Variants in CUEDC1 observed in about 807,000 individuals in gnomAD.
CUEDC1 encodes CUE domain-containing protein 1.
In CUEDC1, 30 loss-of-function variants were observed where a neutral mutation model predicts 43.7. That is an observed-to-expected ratio of 0.69 (90% confidence interval 0.51 to 0.93). The LOEUF (loss-of-function observed/expected upper bound fraction) is 0.93. Among genes scored for constraint, CUEDC1 ranks in the 40% least tolerant of loss-of-function variants. CUEDC1 has a pLI of 0.00. For missense variants in CUEDC1, 486 were observed against 549.0 expected, an observed-to-expected ratio of 0.89 and a Z score of 1.15; for synonymous variants, 223 against 223.6, an observed-to-expected ratio of 1.00 and a Z score of 0.02.
At chr17:57,911,982 A>C (rs1458063079) in intron 1 of CUEDC1, among the ~76,000 whole-genome samples, 1 of 152,228 alleles carries the variant, frequency 6.6e-6, no homozygotes, top group Non-Finnish European at 1.5e-5. Context: ...GTCAAAAAAC[A>C]CTTACTGAGC....
At chr17:57,899,717 C>A (rs562683331) in intron 1 of CUEDC1, among the ~76,000 whole-genome samples, 1 of 152,314 alleles carries the variant, frequency 6.6e-6, no homozygotes, top group East Asian at 1.9e-4. Context: ...AGGACACAGA[C>A]AACACTTTAG....
chr17:57,920,701 G>C (rs970535093), intron 1 of CUEDC1, among the ~76,000 whole-genome samples: 1 of 148,858 alleles, frequency 6.7e-6, no homozygotes, highest in South Asian at 2.1e-4. Flanking sequence ...GTGCAATCTC[G>C]GCTCACTGCA....
At chr17:57,921,326 G>A (rs1018955433) in intron 1 of CUEDC1, among the ~76,000 whole-genome samples, 1 of 152,094 alleles carries the variant, frequency 6.6e-6, no homozygotes, top group Non-Finnish European at 1.5e-5. Context: ...AAGGTGCTTG[G>A]CAATGCAACG....
chr17:57,914,661 A>T (rs1422255187), intron 1 of CUEDC1, among the ~76,000 whole-genome samples: 1 of 152,128 alleles, frequency 6.6e-6, no homozygotes, highest in Non-Finnish European at 1.5e-5. Flanking sequence ...TTTCTTTCCC[A>T]TGTCCAGACT....
chr17:57,865,032 G>A (rs1213607992), intron 10 of CUEDC1, among the ~76,000 whole-genome samples: 1 of 152,146 alleles, frequency 6.6e-6, no homozygotes, highest in Non-Finnish European at 1.5e-5. Context: ...ACTCCAGCCT[G>A]GGCAACAGAG....
At chr17:57,879,250 G>T (rs1474238247) in intron 3 of CUEDC1, among the ~76,000 whole-genome samples, 1 of 152,212 alleles carries the variant, frequency 6.6e-6, no homozygotes, top group Non-Finnish European at 1.5e-5. Flanking sequence ...AGCCATGTTT[G>T]CTGTGGGCTT....
chr17:57,876,428 C>T (rs2074127734), intron 3 of CUEDC1, among the ~76,000 whole-genome samples: 2 of 152,206 alleles, frequency 1.3e-5, no homozygotes, highest in African/African-American at 2.4e-5. Flanking sequence ...ATCAGTTTCT[C>T]CTGGCAGCCT....
At chr17:57,898,191 G>A (rs146488439) in intron 1 of CUEDC1, among the ~76,000 whole-genome samples, 54 of 152,294 alleles carry the variant, frequency 3.5e-4, no homozygotes, top group African/African-American at 1.2e-3. Context: ...CTTGGTCAGG[G>A]ACTCACCTGC....
chr17:57,872,054 G>A (rs1041741157), intron 5 of CUEDC1, among the ~76,000 whole-genome samples: 1 of 152,192 alleles, frequency 6.6e-6, no homozygotes, highest in African/African-American at 2.4e-5. Flanking sequence ...CACACCATCA[G>A]TTACACACAC....
At chr17:57,914,191 G>C (rs983168800) in intron 1 of CUEDC1, among the ~76,000 whole-genome samples, 2 of 152,232 alleles carry the variant, frequency 1.3e-5, no homozygotes, top group African/African-American at 4.8e-5. Context: ...AGAAGAAAGG[G>C]AGAGGAGGAG....
chr17:57,865,303 C>T (rs2073941617), intron 10 of CUEDC1, among the ~76,000 whole-genome samples: 2 of 152,118 alleles, frequency 1.3e-5, no homozygotes, highest in South Asian at 4.1e-4. Context: ...GGCTGCAGTG[C>T]CTGGTGGGAG....
intron 1 of CUEDC1, among the ~76,000 whole-genome samples, chr17:57,894,343 G>C (rs757223544): frequency 3.9e-5 from 6 of 152,162 alleles, no homozygotes; most frequent in Non-Finnish European, 5.9e-5. Flanking sequence ...GTAAGGGTGG[G>C]GCATTCCTTT....
At chr17:57,881,830 C>G (rs977024002) in intron 2 of CUEDC1, among the ~76,000 whole-genome samples, 5 of 152,192 alleles carry the variant, frequency 3.3e-5, no homozygotes, top group African/African-American at 1.2e-4. Context: ...CAAGACCAGA[C>G]AGACGTTCAT....
At chr17:57,945,137 A>G (rs900155173) in intron 1 of CUEDC1, among the ~76,000 whole-genome samples, 3 of 152,230 alleles carry the variant, frequency 2.0e-5, no homozygotes, top group African/African-American at 7.2e-5. Context: ...TATTTTTTTC[A>G]AAACATCTGC....
intron 1 of CUEDC1, among the ~76,000 whole-genome samples, chr17:57,891,534 A>C (rs191056004): frequency 6.6e-6 from 1 of 152,060 alleles, no homozygotes; most frequent in African/African-American, 2.4e-5. Context: ...ATGCCTCCCA[A>C]TGGCTCCCAT....
intron 1 of CUEDC1, among the ~76,000 whole-genome samples, chr17:57,933,476 G>A (rs571276167): frequency 6.6e-6 from 1 of 152,232 alleles, no homozygotes; most frequent in East Asian, 1.9e-4. Flanking sequence ...AATTTCAGAT[G>A]AAGAAGCCAC....
chr17:57,943,445 T>C (rs1162903195), intron 1 of CUEDC1, among the ~76,000 whole-genome samples: 4 of 152,150 alleles, frequency 2.6e-5, no homozygotes. Context: ...CCACCAAACA[T>C]AAGCCACGCT....
chr17:57,868,087 G>C, intron 8 of CUEDC1, 63 bp downstream of exon 8: 1 of 1,370,594 alleles, frequency 7.3e-7, no homozygotes, highest in Non-Finnish European at 1.0e-6. Context: ...GAGTCCAACA[G>C]GGGTCTTGCT....
rs529661013 is a variant in CUEDC1, at chr17:57,873,731, G to A, written c.465-14C>T. 3.5e-5 allele frequency: 55 copies of A among 1,555,276 alleles called. No individual in the cohort carries two copies. Among genetic ancestry groups the A allele is most frequent in the South Asian group, 8.3e-5 (7 of 84,286 alleles). ...AGCGCGTCGATACTAGGGGATGGCA[G>A]GTGACAGGGAAGAGGAAGTCATTAA... On this transcript the variant is annotated splice_polypyrimidine_tract_variant and intron_variant, in intron 3 of 10. Coordinates refer to ENST00000577830, the MANE Select transcript of CUEDC1 (RefSeq NM_001271875.2).
Sources: allele counts gnomAD v4.1 joint callset (sites outside exome capture counted in the v4.1 genomes callset), GRCh38; gene constraint gnomAD v4.1.1; transcripts MANE v1.5; gene names NCBI Gene and HGNC (gene_info 2026-07-23, HGNC 2026-07-21).